Variants in RPE65 observed in about 807,000 individuals in gnomAD.
RPE65 encodes the protein retinoid isomerohydrolase.
In RPE65, 58 loss-of-function variants were observed where a neutral mutation model predicts 68.5. The ratio of observed to expected loss-of-function variants is 0.85; its 90% CI spans 0.69 to 1.05. The LOEUF is 1.05. RPE65 is among the 50% of genes least tolerant of loss of function. The probability of loss-of-function intolerance (pLI) is 0.00; values close to 1 mark genes in which losing one functional copy is unlikely to be tolerated. For missense variants in RPE65, 643 were observed against 629.9 expected (o/e 1.02, Z -0.22); for synonymous variants, 220 against 222.2 (o/e 0.99, Z 0.09).
chr1:68,440,856 C>T lies in RPE65; in HGVS notation c.640G>A (p.Ala214Thr), dbSNP rs1645896967. 1 of 1,613,808 alleles carries T rather than the reference C, an allele frequency of 6.2e-7. No homozygotes were observed. The highest frequency in any genetic ancestry group is 1.3e-5 in the African/African-American group (1 of 74,910). Reference protein sequence around the residue: ...YNIVKIPPLQADKEDPISKSE... With the variant: ...YNIVKIPPLQTDKEDPISKSE... ...GAGGACAGATTGGTAAACTCACCTGCTTGCAGTGGTGGGATCTTTACAATG... is the reference window on the plus strand; with the variant it reads ...GAGGACAGATTGGTAAACTCACCTGTTTGCAGTGGTGGGATCTTTACAATG... The change falls in exon 6 of 14, where the codon GCA becomes ACA. Residue 214 changes from alanine to threonine, a missense_variant. Ala to Thr is a moderately conservative substitution (Grantham distance 58). Transcript: ENST00000262340.
chr1:68,444,032 G>A (rs1645922868), intron 5 of RPE65, among the ~76,000 whole-genome samples: 1 of 152,052 alleles, frequency 6.6e-6, no homozygotes, highest in African/African-American at 2.4e-5. Context: ...ATAATTTTTT[G>A]AGCACCCAGT....
chr1:68,429,630 G>T lies in RPE65; in HGVS notation c.*146C>A. On this transcript the variant is annotated 3_prime_UTR_variant, in exon 14 of 14. Transcript: ENST00000262340. ...AAAGGAATTGCTTGCTCAACTCAGT[G>T]CTTTCTGTAAAACATTGCAAAATTG... The T allele has an allele frequency of 1.1e-6, 1 of 879,214 alleles. No homozygotes were observed. Among genetic ancestry groups the T allele is most frequent in the Non-Finnish European group, 1.8e-6 (1 of 556,274 alleles). 54.5% of individuals were successfully genotyped at this position (879,214 alleles called of 1,614,324 possible).
rs1187044218 is a variant in RPE65 at position 68,429,084 on chromosome 1, GC to G, written c.*691del. On this transcript the variant is annotated 3_prime_UTR_variant, in exon 14 of 14. Coordinates refer to ENST00000262340, the MANE Select transcript of RPE65 (RefSeq NM_000329.3). ...AATATAGTCACTACTATATGTACTT[GC>G]TTTTATGTTACATAAGCTTTTAATA... The G allele has an allele frequency of 1.3e-4, 19 of 151,780 alleles. No individual in the cohort carries two copies. Among genetic ancestry groups the G allele is most frequent in the Admixed American group, 1.2e-3 (19 of 15,246 alleles). The allele number at this position is 151,780 out of a possible 1,614,324, so 9.4% of individuals were successfully genotyped here.
chr1:68,439,001 A>T lies in RPE65; in HGVS notation c.939T>A (p.His313Gln), dbSNP rs758577890. Reference sequence around the variant, plus strand: ...CATTGTCTTCATAGGTGTTGATGTGATGGAAGAGGTTGAAAGGAGAAGTTC... The same window carrying T: ...CATTGTCTTCATAGGTGTTGATGTGTTGGAAGAGGTTGAAAGGAGAAGTTC... Reference protein sequence around the residue: ...KYRTSPFNLFHHINTYEDNGF... With the variant: ...KYRTSPFNLFQHINTYEDNGF... The change falls in exon 9 of 14, where the codon CAT becomes CAA. Residue 313 changes from histidine to glutamine, a missense_variant. Transcript: ENST00000262340. 1 of 1,614,114 alleles carries T rather than the reference A, an allele frequency of 6.2e-7. No individual in the cohort carries two copies. Among genetic ancestry groups the T allele is most frequent in the Non-Finnish European group, 8.5e-7 (1 of 1,179,982 alleles).
intron 6 of RPE65, 127 bp downstream of exon 6, chr1:68,440,726 C>A: frequency 8.1e-7 from 1 of 1,237,800 alleles, no homozygotes; most frequent in South Asian, 1.3e-5. Flanking sequence ...GGCAGTACTT[C>A]TGAAGTCTGA....
Position 68,446,830 on chromosome 1 carries a change from A to G in RPE65, c.125T>C (p.Leu42Pro). The G allele has an allele frequency of 6.2e-7, 1 of 1,613,860 alleles. No homozygotes were observed. The highest frequency in any genetic ancestry group is 8.5e-7 in the Non-Finnish European group (1 of 1,180,028). Reference sequence around the variant, plus strand: ...AAAGAGTCCTGGCCCACATCGAAGGAGACTGCCGGTGAGCCAGAGGGGGAT... The same window carrying G: ...AAAGAGTCCTGGCCCACATCGAAGGGGACTGCCGGTGAGCCAGAGGGGGAT... The part of the protein sequence containing the change: ...GRIPLWLTGS[L>P]LRCGPGLFEV... The change falls in exon 3 of 14, where the codon CTC becomes CCC. Residue 42 changes from leucine (L) to proline (P), a missense_variant. By Grantham distance (98) the Leu-to-Pro change is moderately conservative. Coordinates refer to ENST00000262340, the MANE Select transcript of RPE65 (RefSeq NM_000329.3).
At chr1:68,441,076 A>G in intron 5 of RPE65, 76 bp from the exon 6 acceptor site, 1 of 1,527,238 alleles carries the variant, frequency 6.5e-7, no homozygotes, top group Middle Eastern at 1.7e-4. Context: ...GTCTGAGGTC[A>G]TCACTACCCC....
At chr1:68,431,220 G>A (rs764089164) in intron 12 of RPE65, 44 bp from the exon 13 acceptor site, 21 of 1,599,818 alleles carry the variant, frequency 1.3e-5, no homozygotes, top group Non-Finnish European at 1.7e-5. Flanking sequence ...CAGTCAATAT[G>A]CTTTACTTGA....
chr1:68,448,568 G>A (rs1293677697), intron 2 of RPE65, 56 bp downstream of exon 2: 2 of 1,518,004 alleles, frequency 1.3e-6, no homozygotes, highest in African/African-American at 1.4e-5. Flanking sequence ...GGAATAGGAA[G>A]CCAGAGAAGA....
At chr1:68,441,611 A>G (rs955692507) in intron 5 of RPE65, among the ~76,000 whole-genome samples, 1 of 152,192 alleles carries the variant, frequency 6.6e-6, no homozygotes, top group Non-Finnish European at 1.5e-5. Flanking sequence ...TAAGAAGTTT[A>G]GAACTACAAA....
chr1:68,446,766 C>A lies in RPE65; in HGVS notation c.189G>T (p.Gly63=). Residue 63 remains glycine (G), a synonymous_variant, in exon 3 of 14, where the codon GGG becomes GGT. Transcript: ENST00000262340. The stretch of plus-strand genomic sequence containing the variant: ...AGTCAAACTTGTGCAGGAGGGCTTG[C>A]CCATCAAACAGGTGGTAAAATGGCT... The part of the protein sequence containing the change: ...GSEPFYHLFD[G]QALLHKFDFK... 6.2e-7 allele frequency: 1 copy of A among 1,614,156 alleles called. No homozygotes were observed. The highest frequency in any genetic ancestry group is 8.5e-7 in the Non-Finnish European group (1 of 1,180,034).
At position 68,444,859 on chromosome 1, in the gene RPE65, T is replaced by C. The variant is rs1221624891; in HGVS notation, c.270A>G (p.Val90=). Residue 90 remains valine, a synonymous_variant, in exon 4 of 14, where the codon GTA becomes GTG. Coordinates refer to ENST00000262340, the MANE Select transcript of RPE65 (RefSeq NM_000329.3). The stretch of plus-strand genomic sequence containing the variant: ...CGATCCTTTTCTCAGTCATTGCCCG[T>C]ACGTAAGCATCAGTGCGGATGAACC... The part of the protein sequence containing the change: ...HRRFIRTDAY[V]RAMTEKRIVI... The C allele has an allele frequency of 6.2e-7, 1 of 1,614,112 alleles. No individual in the cohort carries two copies. The highest frequency in any genetic ancestry group is 8.5e-7 in the Non-Finnish European group (1 of 1,180,006).
chr1:68,438,862 T>C (rs1292281778), intron 9 of RPE65, 80 bp downstream of exon 9: 6 of 1,545,098 alleles, frequency 3.9e-6, no homozygotes, highest in African/African-American at 1.4e-5. Context: ...TGATTCAGAT[T>C]GAGTGCAGCA....
At chr1:68,437,234 C>T (rs780024545) in intron 10 of RPE65, among the ~76,000 whole-genome samples, 4 of 152,162 alleles carry the variant, frequency 2.6e-5, no homozygotes, top group Non-Finnish European at 4.4e-5. Flanking sequence ...AGTCTCTCTG[C>T]CCAAAACCCA....
At chr1:68,447,969 A>C (rs1040960623) in intron 2 of RPE65, among the ~76,000 whole-genome samples, 2 of 152,258 alleles carry the variant, frequency 1.3e-5, no homozygotes, top group African/African-American at 4.8e-5. Flanking sequence ...AAGTTTTTCA[A>C]GCAAATGGAT....
intron 1 of RPE65, among the ~76,000 whole-genome samples, 197 bp from the exon 2 acceptor site, chr1:68,448,903 G>T: frequency 6.6e-6 from 1 of 150,694 alleles, no homozygotes. Context: ...GTGAGGCTGG[G>T]GGTGGGGAAG....
intron 5 of RPE65, among the ~76,000 whole-genome samples, chr1:68,443,673 T>C (rs1411476530): frequency 1.3e-5 from 2 of 152,204 alleles, no homozygotes; most frequent in African/African-American, 4.8e-5. Context: ...TATGCTTTCT[T>C]AAAAGATTTT....
At chr1:68,444,906 G>A (rs766034867) in intron 3 of RPE65, 23 bp from the exon 4 acceptor site, 24 of 1,606,146 alleles carry the variant, frequency 1.5e-5, no homozygotes, top group East Asian at 4.5e-5. Context: ...GAAACATAGG[G>A]AAGAGTATAG....
chr1:68,448,348 G>A (rs1645957033), intron 2 of RPE65, among the ~76,000 whole-genome samples: 1 of 152,190 alleles, frequency 6.6e-6, no homozygotes, highest in South Asian at 2.1e-4. Context: ...CATTTACTAT[G>A]TGCCAGGCAC....
Sources: allele counts gnomAD v4.1 joint callset (sites outside exome capture counted in the v4.1 genomes callset), GRCh38; gene constraint gnomAD v4.1.1; transcripts MANE v1.5; gene names NCBI Gene and HGNC (gene_info 2026-07-23, HGNC 2026-07-21).